The following CSMD3 variants were observed in gnomAD, a reference collection of about 807,000 sequenced individuals.
CSMD3 encodes CUB and sushi domain-containing protein 3.
CSMD3 carries 177 observed loss-of-function variants against 435.2 expected under a neutral mutation model. The ratio of observed to expected loss-of-function variants is 0.41; its 90% CI spans 0.36 to 0.46. CSMD3 has a LOEUF of 0.46. Among genes scored for constraint, CSMD3 ranks in the 20% least tolerant of loss-of-function variants. The probability of loss-of-function intolerance (pLI) is 0.34; values close to 1 mark genes in which losing one functional copy is unlikely to be tolerated. For synonymous variants in CSMD3, 1,656 were observed against 1,520.5 expected (o/e 1.09, Z -2.07); for missense variants, 4,265 against 4,504.6 (o/e 0.95, Z 1.52).
At position 113,070,525 on chromosome 8, in the gene CSMD3, T is replaced by A. The variant is rs555726240; in HGVS notation, c.917+28231A>T. Among the ~76,000 whole-genome samples, 5 of 152,136 alleles carry A rather than the reference T, an allele frequency of 3.3e-5. No individual in the cohort carries two copies. In the East Asian group the frequency reaches 9.7e-4, roughly 29 times the overall value. ...TACAGTACAGTATTGTTAGTCATCATTACCATGCTGAACATTAGATTTCCA... is the reference window on the plus strand; with the variant it reads ...TACAGTACAGTATTGTTAGTCATCAATACCATGCTGAACATTAGATTTCCA... On this transcript the variant is annotated intron_variant, in intron 5 of 70. Coordinates refer to ENST00000297405, the MANE Select transcript of CSMD3 (RefSeq NM_198123.2).
chr8:112,755,019 C>G (rs956303331), intron 13 of CSMD3, among the ~76,000 whole-genome samples: 2 of 151,984 alleles, frequency 1.3e-5, no homozygotes, highest in African/African-American at 4.8e-5. Flanking sequence ...GTGGGAGGGA[C>G]CTGGTGGGAG....
intron 20 of CSMD3, among the ~76,000 whole-genome samples, chr8:112,642,681 T>G (rs1486734277): frequency 1.3e-5 from 2 of 151,996 alleles, no homozygotes; most frequent in African/African-American, 4.8e-5. Flanking sequence ...ATCAATATGA[T>G]AAAGCATAAC....
intron 6 of CSMD3, among the ~76,000 whole-genome samples, chr8:112,992,167 T>C (rs2085479029): frequency 6.6e-6 from 1 of 151,808 alleles, no homozygotes; most frequent in African/African-American, 2.4e-5. Context: ...TTTTAATATG[T>C]CTTCGTTCCT....
At chr8:112,973,215 AT>A (rs1415829050) in intron 7 of CSMD3, among the ~76,000 whole-genome samples, 1 of 151,940 alleles carries the variant, frequency 6.6e-6, no homozygotes, top group Non-Finnish European at 1.5e-5. Context: ...CTGGATTTTT[AT>A]TTGTAAAAGT....
rs771928477 is a variant in CSMD3, at chr8:112,556,927, G to A, written c.4070C>T (p.Pro1357Leu). The A allele has an allele frequency of 6.2e-7, 1 of 1,611,870 alleles. No individual in the cohort carries two copies. The highest frequency in any genetic ancestry group is 1.7e-5 in the Admixed American group (1 of 59,758). ...TSFELSHCED[P>L]GIPQFGYKIS... ...CTTGTATCCAAATTGTGGAATGCCA[G>A]GATCTTCACAGTGTGAGAGTTCAAA... The change falls in exon 25 of 71, where the codon CCT becomes CTT. Residue 1357 changes from proline (P) to leucine (L), a missense_variant. Physicochemically the swap from Pro to Leu is moderately conservative, Grantham distance 98. Coordinates refer to ENST00000297405, the MANE Select transcript of CSMD3 (RefSeq NM_198123.2).
intron 35 of CSMD3, among the ~76,000 whole-genome samples, chr8:112,395,280 T>C (rs964317896): frequency 2.0e-5 from 3 of 152,166 alleles, no homozygotes; most frequent in Admixed American, 6.6e-5. Flanking sequence ...ATCTGTAAAA[T>C]AGAGATAATT....
intron 22 of CSMD3, among the ~76,000 whole-genome samples, chr8:112,591,883 A>T (rs1208847752): frequency 6.6e-6 from 1 of 151,862 alleles, no homozygotes; most frequent in African/African-American, 2.4e-5. Flanking sequence ...TATAATTTAG[A>T]TTTCATTTCA....
intron 13 of CSMD3, among the ~76,000 whole-genome samples, chr8:112,755,794 G>A (rs1210539323): frequency 6.7e-6 from 1 of 148,226 alleles, no homozygotes; most frequent in Non-Finnish European, 1.5e-5. Flanking sequence ...TATATACTTT[G>A]CATATATTAT....
At chr8:113,297,131 G>C (rs1233080498) in intron 2 of CSMD3, among the ~76,000 whole-genome samples, 5 of 152,026 alleles carry the variant, frequency 3.3e-5, no homozygotes, top group Non-Finnish European at 5.9e-5. Context: ...GAATTAAATT[G>C]TTTTATTAAG....
intron 35 of CSMD3, among the ~76,000 whole-genome samples, chr8:112,395,772 G>A (rs1830806630): frequency 6.6e-6 from 1 of 152,158 alleles, no homozygotes; most frequent in African/African-American, 2.4e-5. Context: ...AAGCCTGGGG[G>A]TTTAGGAGAC....
intron 38 of CSMD3, among the ~76,000 whole-genome samples, chr8:112,357,858 G>A (rs568112920): frequency 9.8e-5 from 15 of 152,314 alleles, no homozygotes; most frequent in African/African-American, 3.6e-4. Context: ...GTGTGGAAGG[G>A]AAATGTGGGG....
intron 6 of CSMD3, among the ~76,000 whole-genome samples, chr8:113,003,869 C>T (rs1232726105): frequency 6.6e-6 from 1 of 151,914 alleles, no homozygotes; most frequent in African/African-American, 2.4e-5. Flanking sequence ...ACAGGTATAG[C>T]TTTGTCAATG....
intron 10 of CSMD3, among the ~76,000 whole-genome samples, chr8:112,888,886 AC>A (rs2081693877): frequency 6.6e-6 from 1 of 151,636 alleles, no homozygotes. Flanking sequence ...CACAGCGTTG[AC>A]TGGAATAAGA....
At chr8:112,357,461 A>G (rs1826729268) in intron 38 of CSMD3, among the ~76,000 whole-genome samples, 1 of 152,210 alleles carries the variant, frequency 6.6e-6, no homozygotes, top group Non-Finnish European at 1.5e-5. Context: ...CTGAGGAGAA[A>G]TTCAAGCCAG....
chr8:113,291,983 CATA>C (rs1412985881), intron 2 of CSMD3, among the ~76,000 whole-genome samples: 1 of 151,760 alleles, frequency 6.6e-6, no homozygotes, highest in Non-Finnish European at 1.5e-5. Context: ...AGAATAATTG[CATA>C]ATGTTTTTAA....
chr8:112,343,684 G>T (rs1205184952), intron 41 of CSMD3, among the ~76,000 whole-genome samples: 1 of 151,924 alleles, frequency 6.6e-6, no homozygotes, highest in African/African-American at 2.4e-5. Context: ...TTTAAAGACA[G>T]GGTGGCCCAG....
At chr8:112,981,523 C>T (rs544102913) in intron 6 of CSMD3, among the ~76,000 whole-genome samples, 170 of 151,460 alleles carry the variant, frequency 1.1e-3, no homozygotes, top group African/African-American at 3.9e-3. Context: ...TTTGGATTTG[C>T]TGTCATTTAT....
intron 10 of CSMD3, among the ~76,000 whole-genome samples, chr8:112,899,649 G>T (rs2082052841): frequency 1.1e-5 from 1 of 90,100 alleles, no homozygotes; most frequent in Non-Finnish European, 2.1e-5. Flanking sequence ...ACATATATGT[G>T]TACGCAAATA....
intron 5 of CSMD3, among the ~76,000 whole-genome samples, chr8:113,092,939 C>A (rs1358835892): frequency 6.6e-6 from 1 of 152,064 alleles, no homozygotes; most frequent in Non-Finnish European, 1.5e-5. Flanking sequence ...TAAACCTAAT[C>A]CAAACTAATT....
Sources: gnomAD v4.1 joint callset for allele counts (sites outside exome capture counted in the v4.1 genomes callset) on GRCh38, gnomAD v4.1.1 for gene constraint, MANE v1.5 for transcripts, NCBI Gene and HGNC (gene_info 2026-07-23, HGNC 2026-07-21) for gene names.